DGUOK: variants seen among roughly 807,000 people sequenced by gnomAD.
DGUOK encodes deoxyguanosine kinase, also known as deoxyguanosine kinase, mitochondrial.
DGUOK carries 30 observed loss-of-function variants against 36.6 expected under a neutral mutation model. The observed-to-expected ratio is 0.82, with a 90% confidence interval of 0.61 to 1.11. DGUOK has a LOEUF of 1.11. Among genes scored for constraint, DGUOK ranks in the 50% most tolerant of loss-of-function variants. DGUOK has a pLI of 0.00. For missense variants in DGUOK, 361 were observed against 336.4 expected (o/e 1.07, Z -0.57); for synonymous variants, 145 against 126.3 (o/e 1.15, Z -0.99).
chr2:73,933,392 C>T lies in DGUOK; in HGVS notation c.143-5518C>T, dbSNP rs116662066. Among the ~76,000 whole-genome samples the T allele has an allele frequency of 4.8e-3, 735 of 152,218 alleles. 10 individuals are homozygous for T. Among genetic ancestry groups the T allele is most frequent in the African/African-American group, 0.016 (675 of 41,528 alleles). The stretch of plus-strand genomic sequence containing the variant: ...GTGATGAGTGAACAAATAATTACAG[C>T]GTAATCCTTTGGTAAACCAGAGCAG... On this transcript the variant is annotated intron_variant, in intron 1 of 6. Coordinates refer to ENST00000264093, the MANE Select transcript of DGUOK (RefSeq NM_080916.3).
intron 3 of DGUOK, 175 bp downstream of exon 3, chr2:73,947,081 A>G (rs1161382711): frequency 4.3e-6 from 3 of 690,148 alleles, no homozygotes; most frequent in African/African-American, 1.8e-5. Context: ...CCAGATTGTC[A>G]TCTATGTCAA....
chr2:73,938,458 TAGTC>T (rs1200063254), intron 1 of DGUOK, among the ~76,000 whole-genome samples: 2 of 152,222 alleles, frequency 1.3e-5, no homozygotes, highest in African/African-American at 4.8e-5. Flanking sequence ...CCTGAGCTCA[TAGTC>T]AGCACTCCAT....
Position 73,957,257 on chromosome 2 carries a change from G to T in DGUOK, c.707+17G>T, listed in dbSNP as rs746124008. 6.3e-7 allele frequency: 1 copy of T among 1,596,488 alleles called. No homozygotes were observed. Among genetic ancestry groups the T allele is most frequent in the South Asian group, 1.1e-5 (1 of 90,340 alleles). On this transcript the variant is annotated intron_variant, in intron 5 of 6. Coordinates refer to ENST00000264093, the MANE Select transcript of DGUOK (RefSeq NM_080916.3). Reference sequence around the variant, plus strand: ...GACAACGAAGTAAGTGGGGAGAAAAGAATGTATCAGAGACAGAGACCTGGC... The same window carrying T: ...GACAACGAAGTAAGTGGGGAGAAAATAATGTATCAGAGACAGAGACCTGGC...
Position 73,958,740 on chromosome 2 carries a change from A to T in DGUOK, c.*4A>T. ...CACCTTTGTAAAGAATCTGTAACCA[A>T]TACCATGAAGTTCAGGCTGTGATCT... On this transcript the variant is annotated 3_prime_UTR_variant, in exon 7 of 7. Transcript: ENST00000264093. The T allele has an allele frequency of 1.2e-6, 2 of 1,611,582 alleles. No individual in the cohort carries two copies. Among genetic ancestry groups the T allele is most frequent in the Non-Finnish European group, 1.7e-6 (2 of 1,177,660 alleles).
At chr2:73,943,562 T>C (rs1481657027) in intron 2 of DGUOK, among the ~76,000 whole-genome samples, 2 of 152,118 alleles carry the variant, frequency 1.3e-5, no homozygotes, top group African/African-American at 4.8e-5. Flanking sequence ...CTTGAAGGTA[T>C]GATAGAAATC....
chr2:73,927,200 G>A (rs1573491022), intron 1 of DGUOK, 148 bp downstream of exon 1: 1 of 1,083,690 alleles, frequency 9.2e-7, no homozygotes, highest in Non-Finnish European at 1.3e-6. Flanking sequence ...CTCGCAAAGT[G>A]CACTGTGTAT....
chr2:73,951,989 T>C lies in DGUOK; in HGVS notation c.591+1257T>C, dbSNP rs13403888. On this transcript the variant is annotated intron_variant, in intron 4 of 6. Coordinates refer to ENST00000264093, the MANE Select transcript of DGUOK (RefSeq NM_080916.3). Reference sequence around the variant, plus strand: ...TTCAAGACCAGCATAGGCGATATAGTGCGACTCCATTTCTACAAAAAAGTT... The same window carrying C: ...TTCAAGACCAGCATAGGCGATATAGCGCGACTCCATTTCTACAAAAAAGTT... 5.1e-3 allele frequency among the ~76,000 whole-genome samples: 770 copies of C among 152,234 alleles called. 8 individuals are homozygous for C. Among genetic ancestry groups the C allele is most frequent in the African/African-American group, 0.018 (742 of 41,530 alleles).
chr2:73,949,046 G>T (rs1175510993), intron 3 of DGUOK, among the ~76,000 whole-genome samples: 2 of 152,250 alleles, frequency 1.3e-5, no homozygotes, highest in African/African-American at 2.4e-5. Flanking sequence ...CCGCCTCCTG[G>T]GTTCAAGCAA....
At chr2:73,941,709 A>G (rs7559892) in intron 2 of DGUOK, among the ~76,000 whole-genome samples, 11,191 of 152,096 alleles carry the variant, frequency 0.074, 539 homozygotes, top group African/African-American at 0.14. Flanking sequence ...TGTTGCAATG[A>G]TGAATATCAT....
At chr2:73,935,646 G>A (rs751323138) in intron 1 of DGUOK, among the ~76,000 whole-genome samples, 1 of 152,174 alleles carries the variant, frequency 6.6e-6, no homozygotes, top group Non-Finnish European at 1.5e-5. Flanking sequence ...AAGAAATACT[G>A]CCCTGTAGTG....
At chr2:73,949,234 G>A (rs1682544966) in intron 3 of DGUOK, among the ~76,000 whole-genome samples, 1 of 152,200 alleles carries the variant, frequency 6.6e-6, no homozygotes, top group African/African-American at 2.4e-5. Context: ...TTACAGGTGT[G>A]AGCCACAGTG....
intron 3 of DGUOK, among the ~76,000 whole-genome samples, chr2:73,949,287 T>C (rs1204936623): frequency 6.6e-6 from 1 of 152,234 alleles, no homozygotes; most frequent in Non-Finnish European, 1.5e-5. Flanking sequence ...TCTAGTTATC[T>C]GTAAAGAACT....
intron 4 of DGUOK, among the ~76,000 whole-genome samples, chr2:73,951,882 A>T (rs1478648330): frequency 6.6e-6 from 1 of 152,226 alleles, no homozygotes; most frequent in Non-Finnish European, 1.5e-5. Context: ...GTTTAAAATG[A>T]AACTGGGCTG....
chr2:73,940,518 G>A (rs73947454), intron 2 of DGUOK, among the ~76,000 whole-genome samples: 1 of 152,070 alleles, frequency 6.6e-6, no homozygotes, highest in Non-Finnish European at 1.5e-5. Flanking sequence ...GCCTGTGTGT[G>A]TATTTGTGAA....
At chr2:73,935,816 A>G (rs1468638526) in intron 1 of DGUOK, among the ~76,000 whole-genome samples, 1 of 152,160 alleles carries the variant, frequency 6.6e-6, no homozygotes, top group Non-Finnish European at 1.5e-5. Flanking sequence ...TACCCTGAGT[A>G]TTAGGTGTTA....
intron 2 of DGUOK, among the ~76,000 whole-genome samples, chr2:73,942,789 A>G (rs1681994319): frequency 6.6e-6 from 1 of 152,178 alleles, no homozygotes; most frequent in African/African-American, 2.4e-5. Flanking sequence ...CATTAATGAA[A>G]CTGCCTCTAA....
intron 1 of DGUOK, among the ~76,000 whole-genome samples, chr2:73,930,946 C>T (rs563359933): frequency 6.6e-6 from 1 of 151,890 alleles, no homozygotes; most frequent in South Asian, 2.1e-4. Flanking sequence ...CAGGCGCCCG[C>T]CACCATGCCC....
intron 4 of DGUOK, among the ~76,000 whole-genome samples, chr2:73,956,212 C>G (rs145206926): frequency 4.6e-5 from 7 of 152,336 alleles, no homozygotes; most frequent in African/African-American, 1.4e-4. Flanking sequence ...TATGTACACT[C>G]TGCAAAGCAG....
At position 73,934,670 on chromosome 2, in the gene DGUOK, A is replaced by C. The variant is rs58592067; in HGVS notation, c.143-4240A>C. On this transcript the variant is annotated intron_variant, in intron 1 of 6. Coordinates refer to ENST00000264093, the MANE Select transcript of DGUOK (RefSeq NM_080916.3). ...CGGGAGGCTGAGAGGCTGGAGAATC[A>C]GTTGAACCCGGGAGTTGGAAGTTGC... is the stretch of plus-strand genomic sequence containing the variant. Among the ~76,000 whole-genome samples, 462 of 151,544 alleles carry C rather than the reference A, an allele frequency of 3.0e-3. 3 individuals carry two copies. Among genetic ancestry groups the C allele is most frequent in the African/African-American group, 0.011 (443 of 41,348 alleles).
Sources: gnomAD v4.1 joint callset for allele counts (sites outside exome capture counted in the v4.1 genomes callset) on GRCh38, gnomAD v4.1.1 for gene constraint, MANE v1.5 for transcripts, NCBI Gene and HGNC (gene_info 2026-07-23, HGNC 2026-07-21) for gene names.